The following CLSTN2 variants were observed in gnomAD, a reference collection of about 807,000 sequenced individuals.
CLSTN2 encodes the protein calsyntenin-2.
CLSTN2 carries 48 observed loss-of-function variants against 101.2 expected under a neutral mutation model. The observed-to-expected ratio is 0.47, with a 90% confidence interval of 0.38 to 0.60. CLSTN2 has a LOEUF of 0.60. Ranked by LOEUF, CLSTN2 falls within the 20% of genes least tolerant of loss-of-function variation. The probability of loss-of-function intolerance (pLI) is 0.00; values close to 1 mark genes in which losing one functional copy is unlikely to be tolerated. For missense variants in CLSTN2, 1,160 were observed against 1,238.2 expected, an observed-to-expected ratio of 0.94 and a Z score of 0.95; for synonymous variants, 481 against 463.6, an observed-to-expected ratio of 1.04 and a Z score of -0.48.
At chr3:139,983,181 T>C in intron 1 of CLSTN2, among the ~76,000 whole-genome samples, 1 of 152,094 alleles carries the variant, frequency 6.6e-6, no homozygotes, top group East Asian at 1.9e-4. Context: ...TGGCATGTTA[T>C]ATTCATATAT....
At chr3:140,326,746 G>A (rs188296371) in intron 2 of CLSTN2, among the ~76,000 whole-genome samples, 9 of 152,204 alleles carry the variant, frequency 5.9e-5, no homozygotes, top group East Asian at 3.9e-4. Flanking sequence ...GCTTAGGGTC[G>A]GACTGTAATC....
At chr3:140,167,371 TAG>T (rs1488309384) in intron 1 of CLSTN2, among the ~76,000 whole-genome samples, 1 of 152,198 alleles carries the variant, frequency 6.6e-6, no homozygotes, top group Non-Finnish European at 1.5e-5. Context: ...GCTCATGACT[TAG>T]AGTTTACTTT....
At chr3:140,010,357 G>T (rs2007047314) in intron 1 of CLSTN2, among the ~76,000 whole-genome samples, 1 of 152,142 alleles carries the variant, frequency 6.6e-6, no homozygotes. Flanking sequence ...AATTCCAGAG[G>T]TAGAGCTGGC....
chr3:140,020,730 T>C (rs1000778332), intron 1 of CLSTN2, among the ~76,000 whole-genome samples: 9 of 152,212 alleles, frequency 5.9e-5, no homozygotes, highest in Non-Finnish European at 1.3e-4. Context: ...ACACCAGGGT[T>C]ATAAATGCAT....
At chr3:140,442,127 G>A (rs1257425733) in intron 5 of CLSTN2, among the ~76,000 whole-genome samples, 1 of 152,002 alleles carries the variant, frequency 6.6e-6, no homozygotes, top group East Asian at 1.9e-4. Context: ...GACATCTGGG[G>A]GCCTTACTGA....
chr3:140,451,278 GGATTTCCT>G lies in CLSTN2; in HGVS notation c.973+2577_973+2584del, dbSNP rs1639685955. ...GATGGGGAGATATGGAGTGTAATAA[GGATTTCCT>G]GAAGGAAGAAATTTTCGAACAAAAT... On this transcript the variant is annotated intron_variant, in intron 6 of 16. Transcript: ENST00000458420. 9.2e-5 allele frequency among the ~76,000 whole-genome samples: 14 copies of G among 152,264 alleles called. No individual in the cohort carries two copies. The South Asian group carries it at 2.9e-3, about 32-fold the overall frequency.
intron 8 of CLSTN2, among the ~76,000 whole-genome samples, chr3:140,516,214 A>G (rs1379681771): frequency 6.6e-6 from 1 of 152,084 alleles, no homozygotes; most frequent in Non-Finnish European, 1.5e-5. Context: ...ACCTTAAGTT[A>G]TGCTAAGTCC....
chr3:140,216,784 G>A (rs1227028869), intron 2 of CLSTN2, among the ~76,000 whole-genome samples: 1 of 152,170 alleles, frequency 6.6e-6, no homozygotes, highest in Non-Finnish European at 1.5e-5. Context: ...GGTTTTGGTG[G>A]TAATGGATGT....
At chr3:140,351,636 C>G (rs2087607941) in intron 2 of CLSTN2, among the ~76,000 whole-genome samples, 1 of 152,278 alleles carries the variant, frequency 6.6e-6, no homozygotes, top group South Asian at 2.1e-4. Context: ...CACAAAGCAG[C>G]ATAGGCAGTA....
At chr3:140,341,510 G>A (rs571316022) in intron 2 of CLSTN2, among the ~76,000 whole-genome samples, 53 of 152,320 alleles carry the variant, frequency 3.5e-4, no homozygotes, top group Non-Finnish European at 6.9e-4. Flanking sequence ...ACTTTCAGCC[G>A]CATTTTCTTC....
chr3:140,220,218 T>C (rs6439901), intron 2 of CLSTN2, among the ~76,000 whole-genome samples: 147,419 of 152,316 alleles, frequency 0.97, 71,513 homozygotes, highest in East Asian at 1. Context: ...TCAAGGTCTT[T>C]AGTCTTTTCT....
Position 140,346,029 on chromosome 3 carries a change from A to G in CLSTN2, c.233-57600A>G, listed in dbSNP as rs1392442802. ...TGCTGGGTCTCCATCCAGAGAAGTG[A>G]GTGGAGAGATTCAGAAGTCTCTTCC... is the stretch of plus-strand genomic sequence containing the variant. On this transcript the variant is annotated intron_variant, in intron 2 of 16. Coordinates refer to ENST00000458420, the MANE Select transcript of CLSTN2 (RefSeq NM_022131.3). Among the ~76,000 whole-genome samples the G allele has an allele frequency of 2.0e-5, 3 of 152,304 alleles. No homozygotes were observed. In the East Asian group the frequency reaches 5.8e-4, roughly 29 times the overall value.
intron 4 of CLSTN2, among the ~76,000 whole-genome samples, chr3:140,415,486 C>CAAAAAAG (rs2088419119): frequency 1.8e-5 from 1 of 56,868 alleles, no homozygotes; most frequent in Non-Finnish European, 3.0e-5. Flanking sequence ...CACAAAATAG[C>CAAAAAAG]AAAAAAAAAA....
intron 5 of CLSTN2, among the ~76,000 whole-genome samples, chr3:140,429,282 A>G (rs2088603781): frequency 6.6e-6 from 1 of 152,138 alleles, no homozygotes; most frequent in Admixed American, 6.5e-5. Context: ...GATCTACCAG[A>G]ACTCCGATTA....
At chr3:140,092,103 C>A (rs1009273939) in intron 1 of CLSTN2, among the ~76,000 whole-genome samples, 1 of 152,192 alleles carries the variant, frequency 6.6e-6, no homozygotes, top group African/African-American at 2.4e-5. Context: ...GAGAATACTT[C>A]AGCATCTGGA....
chr3:140,398,792 C>T (rs2088210488), intron 2 of CLSTN2, among the ~76,000 whole-genome samples: 1 of 152,174 alleles, frequency 6.6e-6, no homozygotes, highest in African/African-American at 2.4e-5. Flanking sequence ...AAGGAAGGAG[C>T]AAAATGTGCT....
chr3:140,432,567 C>T (rs920168526), intron 5 of CLSTN2, among the ~76,000 whole-genome samples: 21 of 152,130 alleles, frequency 1.4e-4, no homozygotes, highest in African/African-American at 4.8e-4. Flanking sequence ...GGCACTTCTC[C>T]GTGAATAACG....
intron 1 of CLSTN2, among the ~76,000 whole-genome samples, chr3:140,049,914 C>A (rs183126993): frequency 1.3e-4 from 20 of 152,270 alleles, no homozygotes; most frequent in Non-Finnish European, 2.6e-4. Context: ...CTGTTTTGGG[C>A]CCCAGGATCC....
At chr3:140,254,140 A>C (rs953926539) in intron 2 of CLSTN2, among the ~76,000 whole-genome samples, 1 of 152,214 alleles carries the variant, frequency 6.6e-6, no homozygotes, top group African/African-American at 2.4e-5. Context: ...CTCGACTTCC[A>C]TTGCACATAC....
Sources: allele counts gnomAD v4.1 joint callset (sites outside exome capture counted in the v4.1 genomes callset), GRCh38; gene constraint gnomAD v4.1.1; transcripts MANE v1.5; gene names NCBI Gene and HGNC (gene_info 2026-07-23, HGNC 2026-07-21).